The following CUX2 variants were observed in gnomAD, a reference collection of about 807,000 sequenced individuals.
The protein encoded by CUX2 is homeobox protein cut-like 2.
A neutral mutation model predicts 144.8 loss-of-function variants in CUX2; 40 were observed. That is an observed-to-expected ratio of 0.28 (90% confidence interval 0.21 to 0.36). The LOEUF (loss-of-function observed/expected upper bound fraction) is 0.36. CUX2 is among the 10% of genes least tolerant of loss of function. The pLI, the probability that CUX2 is intolerant of heterozygous loss-of-function variation, is 1.00. For missense variants in CUX2, 1,615 were observed against 1,994.0 expected (o/e 0.81, Z 3.62); for synonymous variants, 827 against 875.6 (o/e 0.94, Z 0.98).
chr12:111,220,554 G>A (rs541189512), intron 3 of CUX2, among the ~76,000 whole-genome samples: 1 of 151,828 alleles, frequency 6.6e-6, no homozygotes, highest in East Asian at 1.9e-4. Flanking sequence ...GTGGCCTTGG[G>A]GAAATTCCTT....
In CUX2 at chr12:111,347,857, G is replaced by A; in HGVS notation, c.3993G>A (p.Glu1331=). 2 of 1,614,162 alleles carry A rather than the reference G, an allele frequency of 1.2e-6. No homozygotes were observed. The highest frequency in any genetic ancestry group is 1.7e-6 in the Non-Finnish European group (2 of 1,180,048). ...LDKGQGPPKE[E]HPDPPGNDGL... ...AAGGCCAAGGTCCCCCCAAAGAGGA[G>A]CATCCCGACCCTCCGGGTAATGATG... Residue 1331 remains glutamate (E), a synonymous_variant, in exon 22 of 22, where the codon GAG becomes GAA. Transcript: ENST00000261726.
intron 1 of CUX2, among the ~76,000 whole-genome samples, chr12:111,161,736 T>C (rs1877782973): frequency 6.6e-6 from 1 of 151,590 alleles, no homozygotes; most frequent in Non-Finnish European, 1.5e-5. Context: ...CCATTTCTTT[T>C]CTTTTTTTGT....
At position 111,310,121 on chromosome 12, in the gene CUX2, C is replaced by A; in HGVS notation, c.1339C>A (p.Pro447Thr). The change falls in exon 15 of 22, where the codon CCT becomes ACT. Residue 447 changes from proline to threonine, a missense_variant. Around this residue, in one of 12 missense-constraint regions of CUX2, gnomAD observed 154 missense variants for 148.4 expected, o/e 1.04. Coordinates refer to ENST00000261726, the MANE Select transcript of CUX2 (RefSeq NM_015267.4). This position sits in a 1 kb window ranked among gnomAD's most constrained non-coding sequence, Gnocchi z 7.9. ...QSYPSPQQLP[P>T]PPGPEDPLSP... is the part of the protein sequence containing the mutation. ...CTACCCCTCCCCTCAGCAGCTCCCACCTCCACCAGGGCCAGAAGACCCCCT... is the reference window on the plus strand; with the variant it reads ...CTACCCCTCCCCTCAGCAGCTCCCAACTCCACCAGGGCCAGAAGACCCCCT... 1 of 1,494,276 alleles carries A rather than the reference C, an allele frequency of 6.7e-7. No individual in the cohort carries two copies. Among genetic ancestry groups the A allele is most frequent in the Non-Finnish European group, 8.9e-7 (1 of 1,122,554 alleles). 92.6% of individuals were successfully genotyped at this position (1,494,276 alleles called of 1,614,324 possible). A position where few individuals can be genotyped will look rare whatever the true frequency, so the allele number is the denominator to read the frequency against.
At chr12:111,326,669 C>T (rs896975957) in intron 18 of CUX2, among the ~76,000 whole-genome samples, 5 of 152,016 alleles carry the variant, frequency 3.3e-5, no homozygotes, top group Admixed American at 1.3e-4. Flanking sequence ...TTTGGGAGGC[C>T]GAGGCGGGCC....
intron 4 of CUX2, among the ~76,000 whole-genome samples, chr12:111,274,103 T>C (rs1884752473): frequency 6.6e-6 from 1 of 152,204 alleles, no homozygotes; most frequent in African/African-American, 2.4e-5. Context: ...TTTTGTTTTT[T>C]ATATTTTTAG....
chr12:111,250,755 C>T (rs1381318853), intron 3 of CUX2, among the ~76,000 whole-genome samples: 5 of 152,156 alleles, frequency 3.3e-5, no homozygotes, highest in African/African-American at 4.8e-5. Context: ...GTTGTTCCTG[C>T]GTGCATGACC....
chr12:111,064,360 G>C, intron 1 of CUX2, among the ~76,000 whole-genome samples: 1 of 152,082 alleles, frequency 6.6e-6, no homozygotes. Context: ...TATAAAATGG[G>C]GATAAAATAA....
intron 1 of CUX2, among the ~76,000 whole-genome samples, chr12:111,193,181 C>T (rs1407262750): frequency 6.6e-6 from 1 of 152,158 alleles, no homozygotes; most frequent in African/African-American, 2.4e-5. Context: ...GAAAGAGCGA[C>T]ACAGGAGTCC....
At chr12:111,148,308 A>G (rs959353710) in intron 1 of CUX2, among the ~76,000 whole-genome samples, 1 of 150,218 alleles carries the variant, frequency 6.7e-6, no homozygotes, top group Non-Finnish European at 1.5e-5. Context: ...TTCCACTTAC[A>G]GGAGGTCCCT....
intron 4 of CUX2, among the ~76,000 whole-genome samples, chr12:111,284,453 G>A (rs566889948): frequency 1.6e-4 from 24 of 152,296 alleles, no homozygotes; most frequent in East Asian, 1.9e-4. Context: ...GCTTGGACAC[G>A]AGCATTGGTC....
At chr12:111,151,859 G>A (rs774764932) in intron 1 of CUX2, among the ~76,000 whole-genome samples, 1 of 152,162 alleles carries the variant, frequency 6.6e-6, no homozygotes, top group Non-Finnish European at 1.5e-5. Flanking sequence ...TCCTGTTGCT[G>A]TTTGTTTAGT....
chr12:111,329,884 G>A (rs1411486564), intron 18 of CUX2, among the ~76,000 whole-genome samples: 3 of 152,140 alleles, frequency 2.0e-5, no homozygotes, highest in African/African-American at 4.8e-5. Context: ...TGATCCACCC[G>A]CGTTGGCCTT....
intron 1 of CUX2, among the ~76,000 whole-genome samples, chr12:111,096,318 C>T (rs1006516253): frequency 7.9e-5 from 12 of 152,330 alleles, no homozygotes; most frequent in East Asian, 5.8e-4. Flanking sequence ...TTGTCTGCCC[C>T]GGGCTGTTCT....
intron 1 of CUX2, among the ~76,000 whole-genome samples, chr12:111,094,718 C>T (rs1398259583): frequency 1.3e-5 from 2 of 152,194 alleles, no homozygotes; most frequent in African/African-American, 4.8e-5. Flanking sequence ...GGCTGGTCTC[C>T]TACTTCTGGG....
rs79032878 is a variant in CUX2 at position 111,038,688 on chromosome 12, G to T, written c.63+4448G>T. ...AATTGTAGTTTCTCAACTTGACAGAGATTGCTTCTCAAAAACGGGCTCTCT... is the reference window on the plus strand; with the variant it reads ...AATTGTAGTTTCTCAACTTGACAGATATTGCTTCTCAAAAACGGGCTCTCT... On this transcript the variant is annotated intron_variant, in intron 1 of 21. Coordinates refer to ENST00000261726, the MANE Select transcript of CUX2 (RefSeq NM_015267.4). Among the ~76,000 whole-genome samples the T allele has an allele frequency of 4.0e-4, 61 of 152,360 alleles. 1 individual carries two copies. The East Asian group carries it at 0.011, about 27-fold the overall frequency.
At chr12:111,046,022 T>C (rs758620603) in intron 1 of CUX2, among the ~76,000 whole-genome samples, 31 of 152,206 alleles carry the variant, frequency 2.0e-4, no homozygotes, top group Non-Finnish European at 2.9e-5. Flanking sequence ...GTTTGCAGTA[T>C]TAGCTGCTCA....
At chr12:111,336,370 G>T (rs73412338) in intron 19 of CUX2, among the ~76,000 whole-genome samples, 3 of 151,794 alleles carry the variant, frequency 2.0e-5, no homozygotes, top group African/African-American at 4.8e-5. Flanking sequence ...GAAAAAAAAA[G>T]TTACTAAAAA....
intron 1 of CUX2, among the ~76,000 whole-genome samples, chr12:111,211,608 G>T (rs997784883): frequency 1.3e-5 from 2 of 152,182 alleles, no homozygotes; most frequent in African/African-American, 4.8e-5. Context: ...AGACACGGCC[G>T]GGTGTGGTGG....
At chr12:111,154,422 C>T (rs1161547089) in intron 1 of CUX2, among the ~76,000 whole-genome samples, 2 of 152,128 alleles carry the variant, frequency 1.3e-5, no homozygotes, top group African/African-American at 4.8e-5. Context: ...CTCAGCCTGG[C>T]GCCACGATGT....
Sources: allele counts gnomAD v4.1 joint callset (sites outside exome capture counted in the v4.1 genomes callset), GRCh38; gene constraint gnomAD v4.1.1; regional missense constraint gnomAD v4.1.1; non-coding constraint Gnocchi (gnomAD v3.1); transcripts MANE v1.5; gene names NCBI Gene and HGNC (gene_info 2026-07-23, HGNC 2026-07-21).